Variants in RBM25 observed in about 807,000 individuals in gnomAD.
RBM25 encodes RNA-binding protein 25.
Under a neutral mutation model 120.7 loss-of-function variants are expected in RBM25, and 19 were observed. The ratio of observed to expected loss-of-function variants is 0.16; its 90% CI spans 0.11 to 0.23. RBM25 has a LOEUF of 0.23. Ranked by LOEUF, RBM25 falls within the 10% of genes least tolerant of loss-of-function variation. RBM25 has a pLI of 1.00. For synonymous variants in RBM25, 390 were observed against 326.7 expected (o/e 1.19, Z -2.09); for missense variants, 605 against 1,041.5 (o/e 0.58, Z 5.77).
chr14:73,070,292 G>A (rs1190574541), intron 1 of RBM25, among the ~76,000 whole-genome samples: 1 of 152,078 alleles, frequency 6.6e-6, no homozygotes, highest in East Asian at 1.9e-4. Context: ...CCTGACCTCA[G>A]GTTTTCCACC....
Position 73,093,722 on chromosome 14 carries a change from G to A in RBM25, c.544-3193G>A, listed in dbSNP as rs146067356. The stretch of plus-strand genomic sequence containing the variant: ...GGGTTTCGCCATGTTGGCTAGGCTG[G>A]TCTCAAACTCTGGACCTCAGGTGGT... On this transcript the variant is annotated intron_variant, in intron 6 of 18. Coordinates refer to ENST00000261973, the MANE Select transcript of RBM25 (RefSeq NM_021239.3). Among the ~76,000 whole-genome samples the A allele has an allele frequency of 4.7e-3, 709 of 151,954 alleles. 11 individuals are homozygous for A. Among genetic ancestry groups the A allele is most frequent in the African/African-American group, 0.016 (677 of 41,432 alleles).
chr14:73,068,131 G>A, intron 1 of RBM25: 1 of 778,736 alleles, frequency 1.3e-6, no homozygotes, highest in Non-Finnish European at 2.1e-6. Context: ...GAACTGGAAG[G>A]TTGGTCCTAG....
chr14:73,106,558 TA>T (rs1896192571), intron 12 of RBM25, among the ~76,000 whole-genome samples: 1 of 152,194 alleles, frequency 6.6e-6, no homozygotes, highest in South Asian at 2.1e-4. Flanking sequence ...TTTATTAACT[TA>T]TTTTTAAGAA....
chr14:73,107,240 C>T (rs1302593667), intron 12 of RBM25: 2 of 152,174 alleles, frequency 1.3e-5, no homozygotes, highest in East Asian at 1.9e-4. Flanking sequence ...TGTAGCGTAG[C>T]GTATATATAT....
At chr14:73,067,897 C>T (rs1165925600) in intron 1 of RBM25, among the ~76,000 whole-genome samples, 1 of 152,024 alleles carries the variant, frequency 6.6e-6, no homozygotes, top group Admixed American at 6.6e-5. Flanking sequence ...CCGCGCCCGG[C>T]CTGTATTTTG....
rs1488514206 is a variant in RBM25 at position 73,071,673 on chromosome 14, C to A, written c.32C>A (p.Pro11His). The change falls in exon 2 of 19, where the codon CCC (proline) becomes CAC (histidine). Residue 11 changes from proline to histidine, a missense_variant. Coordinates refer to ENST00000261973, the MANE Select transcript of RBM25 (RefSeq NM_021239.3). ...TTTCCACCTCATTTGAATCGCCCTC[C>A]CATGGGAATCCCAGCACTCCCACCA... MSFPPHLNRP[P>H]MGIPALPPGI... is the part of the protein sequence containing the mutation. 1 of 1,613,988 alleles carries A rather than the reference C, an allele frequency of 6.2e-7. No individual in the cohort carries two copies.
intron 18 of RBM25, among the ~76,000 whole-genome samples, chr14:73,116,919 GA>G (rs1896439234): frequency 6.6e-6 from 1 of 152,046 alleles, no homozygotes; most frequent in Admixed American, 6.6e-5. Context: ...AATATTTCTT[GA>G]ATAAATGAGG....
intron 1 of RBM25, chr14:73,068,702 C>T (rs1270080566): frequency 3.1e-6 from 1 of 317,884 alleles, no homozygotes; most frequent in Non-Finnish European, 6.2e-6. Context: ...AAAAGAGCTG[C>T]AGCACCAGCC....
At chr14:73,118,321 A>G (rs1354990461) in intron 18 of RBM25, among the ~76,000 whole-genome samples, 1 of 152,082 alleles carries the variant, frequency 6.6e-6, no homozygotes, top group Admixed American at 6.6e-5. Context: ...ACTAAAAAGC[A>G]CAAAAATGTA....
Position 73,097,103 on chromosome 14 carries a change from A to G in RBM25, c.729+3A>G, listed in dbSNP as rs1192401523. 1.3e-6 allele frequency: 2 copies of G among 1,599,374 alleles called. No individual in the cohort carries two copies. The highest frequency in any genetic ancestry group is 1.7e-6 in the Non-Finnish European group (2 of 1,172,802). ...AGAAGAAGGAAAAGAAGGAGGACGTATGTGTTCTGACAACAACATATCATT... is the reference window on the plus strand; with the variant it reads ...AGAAGAAGGAAAAGAAGGAGGACGTGTGTGTTCTGACAACAACATATCATT... On this transcript the variant is annotated splice_donor_region_variant and intron_variant, in intron 7 of 18. Transcript: ENST00000261973.
rs74062640 is a variant in RBM25 at position 73,099,278 on chromosome 14, A to G, written c.730-102A>G. 2,015 of 998,242 alleles carry G rather than the reference A, an allele frequency of 2.0e-3. 31 individuals are homozygous for G. The African/African-American group carries it at 0.029, about 15-fold the overall frequency. 61.8% of individuals were successfully genotyped at this position (998,242 alleles called of 1,614,324 possible). A position where few individuals can be genotyped will look rare whatever the true frequency, so the allele number is the denominator to read the frequency against. Reference sequence around the variant, plus strand: ...AATCAAGAAAGCATCACAGAAGTGTACTGTATTGTTCACGTCATAAATGTA... The same window carrying G: ...AATCAAGAAAGCATCACAGAAGTGTGCTGTATTGTTCACGTCATAAATGTA... On this transcript the variant is annotated intron_variant, in intron 7 of 18. Transcript: ENST00000261973.
intron 1 of RBM25, chr14:73,059,439 C>T (rs1193355564): frequency 1.3e-5 from 2 of 152,108 alleles, no homozygotes; most frequent in Non-Finnish European, 2.9e-5. Flanking sequence ...GGTCGTCAAT[C>T]CTGCTTTTAA....
intron 9 of RBM25, 191 bp from the exon 10 acceptor site, chr14:73,103,001 T>G: frequency 8.2e-7 from 1 of 1,215,572 alleles, no homozygotes. Context: ...GTGTAGAGTA[T>G]ATGGTTTTGC....
chr14:73,111,541 T>C lies in RBM25; in HGVS notation c.2031T>C (p.Ser677=). ...TTTTTACTGTAGGTGCTTCCAATAG[T>C]CCTGGTCAGCCTAATTCTGTGAAGA... ...GLSLKLGASN[S]PGQPNSVKRK... The change falls in exon 16 of 19, where the codon AGT becomes AGC. Residue 677 remains serine (S), a synonymous_variant. Coordinates refer to ENST00000261973, the MANE Select transcript of RBM25 (RefSeq NM_021239.3). 4 of 1,605,710 alleles carry C rather than the reference T, an allele frequency of 2.5e-6. No homozygotes were observed. The highest frequency in any genetic ancestry group is 3.4e-6 in the Non-Finnish European group (4 of 1,177,266).
At chr14:73,097,606 A>T (rs1188507265) in intron 7 of RBM25, among the ~76,000 whole-genome samples, 1 of 152,110 alleles carries the variant, frequency 6.6e-6, no homozygotes, top group Non-Finnish European at 1.5e-5. Context: ...AAGTGCCAGG[A>T]TTACAGTCAT....
At chr14:73,082,125 AT>A (rs1468633677) in intron 4 of RBM25, among the ~76,000 whole-genome samples, 4 of 151,776 alleles carry the variant, frequency 2.6e-5, no homozygotes, top group African/African-American at 9.7e-5. Flanking sequence ...ATCTCTTACT[AT>A]TTTGCACGGG....
In RBM25 at chr14:73,122,990, G is replaced by A. The variant is rs1356851822; in HGVS notation, c.*3185G>A. On this transcript the variant is annotated 3_prime_UTR_variant, in exon 19 of 19. Transcript: ENST00000261973. ...AGGCAAATACACGTAACTCATGAAC[G>A]TAATGTAATCTTGCAAAATTATGTC... 1 of 152,122 alleles carries A rather than the reference G, an allele frequency of 6.6e-6. No individual in the cohort carries two copies. The highest frequency in any genetic ancestry group is 2.1e-4 in the South Asian group (1 of 4,820). 9.4% of individuals were successfully genotyped at this position (152,122 alleles called of 1,614,324 possible). A position where few individuals can be genotyped will look rare whatever the true frequency, so the allele number is the denominator to read the frequency against.
rs1895515814 is a variant in RBM25, at chr14:73,079,781, T to TAAC, written c.324+2245_324+2246insAAC. 1.3e-5 allele frequency among the ~76,000 whole-genome samples: 2 copies of TAAC among 150,690 alleles called. 1 individual carries two copies. Among genetic ancestry groups the TAAC allele is most frequent in the Non-Finnish European group, 3.0e-5 (2 of 67,188 alleles). ...TTTAATTAACTGGTTTGAGGATGTTTTGGGTTTCTCAGTTTTGTTTTCTTC... is the reference window on the plus strand; with the variant it reads ...TTTAATTAACTGGTTTGAGGATGTTTAACTGGGTTTCTCAGTTTTGTTTTCTTC... On this transcript the variant is annotated intron_variant, in intron 4 of 18. Coordinates refer to ENST00000261973, the MANE Select transcript of RBM25 (RefSeq NM_021239.3).
chr14:73,103,584 G>T, intron 10 of RBM25, 106 bp downstream of exon 10: 1 of 1,450,942 alleles, frequency 6.9e-7, no homozygotes, highest in African/African-American at 1.4e-5. Flanking sequence ...TTGTGTGTGT[G>T]TGAGACATTC....
Sources: gnomAD v4.1 joint callset for allele counts (sites outside exome capture counted in the v4.1 genomes callset) on GRCh38, gnomAD v4.1.1 for gene constraint, MANE v1.5 for transcripts, NCBI Gene and HGNC (gene_info 2026-07-23, HGNC 2026-07-21) for gene names.